The following CACNG2 variants were observed in gnomAD, a reference collection of about 807,000 sequenced individuals.
CACNG2 encodes the protein calcium voltage-gated channel auxiliary subunit gamma 2, also known as voltage-dependent calcium channel gamma-2 subunit.
CACNG2 carries 3 observed loss-of-function variants against 25.9 expected under a neutral mutation model. The ratio of observed to expected loss-of-function variants is 0.12; its 90% CI spans 0.05 to 0.30. The LOEUF is 0.30. Among genes scored for constraint, CACNG2 ranks in the 10% least tolerant of loss-of-function variants. CACNG2 has a pLI of 1.00. For synonymous variants in CACNG2, 167 were observed against 173.3 expected (o/e 0.96, Z 0.29); for missense variants, 341 against 432.5 (o/e 0.79, Z 1.88).
chr22:36,641,753 A>T (rs913473697), intron 1 of CACNG2, among the ~76,000 whole-genome samples: 3 of 152,208 alleles, frequency 2.0e-5, no homozygotes, highest in African/African-American at 7.2e-5. Context: ...CTATTGAATG[A>T]CTTCAGGACT....
intron 1 of CACNG2, among the ~76,000 whole-genome samples, chr22:36,693,395 T>A (rs1442392566): frequency 6.6e-6 from 1 of 152,182 alleles, no homozygotes; most frequent in Admixed American, 6.5e-5. Flanking sequence ...CTGTTTACTA[T>A]GACTAACTTA....
At chr22:36,644,699 A>C (rs1408376142) in intron 1 of CACNG2, among the ~76,000 whole-genome samples, 1 of 152,256 alleles carries the variant, frequency 6.6e-6, no homozygotes, top group Non-Finnish European at 1.5e-5. Flanking sequence ...AATAATAATA[A>C]TAAAAAATAA....
At chr22:36,640,297 G>A (rs1490989032) in intron 1 of CACNG2, among the ~76,000 whole-genome samples, 2 of 152,204 alleles carry the variant, frequency 1.3e-5, no homozygotes, top group African/African-American at 2.4e-5. Flanking sequence ...AAGTGTTGAC[G>A]ATTGTTATAT....
At chr22:36,632,467 CT>C (rs1165039003) in intron 1 of CACNG2, among the ~76,000 whole-genome samples, 12 of 82,784 alleles carry the variant, frequency 1.4e-4, no homozygotes, top group African/African-American at 6.1e-4. Context: ...TCTCTCTCCT[CT>C]CCTCTCTCTC....
rs534940682 is a variant in CACNG2, at chr22:36,569,696, T to C, written c.296-3203A>G. Among the ~76,000 whole-genome samples the C allele has an allele frequency of 6.7e-3, 1,025 of 152,282 alleles. 5 individuals carry two copies. Among genetic ancestry groups the C allele is most frequent in the Non-Finnish European group, 0.011 (775 of 68,012 alleles). On this transcript the variant is annotated intron_variant, in intron 2 of 3. Coordinates refer to ENST00000300105, the MANE Select transcript of CACNG2 (RefSeq NM_006078.5). ...CTGGGATTATAGGCGCCCGCCACCATGTCCGGCTAATTTTTGTATTTTTAG... is the reference window on the plus strand; with the variant it reads ...CTGGGATTATAGGCGCCCGCCACCACGTCCGGCTAATTTTTGTATTTTTAG...
intron 1 of CACNG2, among the ~76,000 whole-genome samples, chr22:36,692,666 C>T (rs1329272414): frequency 6.6e-6 from 1 of 152,144 alleles, no homozygotes; most frequent in East Asian, 1.9e-4. Context: ...AGAGGCCAGG[C>T]CCCATCTCTT....
intron 1 of CACNG2, among the ~76,000 whole-genome samples, chr22:36,604,026 A>G (rs191434225): frequency 6.6e-5 from 10 of 152,358 alleles, no homozygotes; most frequent in Non-Finnish European, 1.3e-4. Flanking sequence ...AAAATCTTCT[A>G]GAAAGGACTC....
chr22:36,677,506 AGCTTATC>A (rs1210161600), intron 1 of CACNG2, among the ~76,000 whole-genome samples: 1 of 152,188 alleles, frequency 6.6e-6, no homozygotes, highest in Non-Finnish European at 1.5e-5. Context: ...GCCTATTACA[AGCTTATC>A]TCATTAATCA....
chr22:36,689,800 C>T (rs1203909311), intron 1 of CACNG2, among the ~76,000 whole-genome samples: 1 of 152,254 alleles, frequency 6.6e-6, no homozygotes, highest in Non-Finnish European at 1.5e-5. Flanking sequence ...GGCTGGCCAC[C>T]ACAACAGGGC....
chr22:36,588,969 G>A (rs1202066381), intron 1 of CACNG2, among the ~76,000 whole-genome samples: 2 of 149,600 alleles, frequency 1.3e-5, no homozygotes, highest in Admixed American at 6.9e-5. Context: ...GGAATTTTAC[G>A]GTATTATTAC....
At position 36,702,835 on chromosome 22, in the gene CACNG2, G is replaced by GCT; in HGVS notation, c.-260_-259insAG. 1 of 229,708 alleles carries GCT rather than the reference G, an allele frequency of 4.4e-6. No individual in the cohort carries two copies. The highest frequency in any genetic ancestry group is 8.1e-6 in the Non-Finnish European group (1 of 123,512). 14.2% of individuals were successfully genotyped at this position (229,708 alleles called of 1,614,324 possible). ...GATCAGAAACTGTTCCAGTTGCAGT[G>GCT]TTTTTTTTTTAAAAAGAAAAGGAAA... On this transcript the variant is annotated 5_prime_UTR_variant, in exon 1 of 4. Coordinates refer to ENST00000300105, the MANE Select transcript of CACNG2 (RefSeq NM_006078.5).
chr22:36,634,001 T>C (rs142745824), intron 1 of CACNG2, among the ~76,000 whole-genome samples: 3 of 152,328 alleles, frequency 2.0e-5, no homozygotes, highest in South Asian at 2.1e-4. Flanking sequence ...CCAGTGATGG[T>C]TGCCAATCAG....
At chr22:36,616,646 A>T (rs1005448129) in intron 1 of CACNG2, among the ~76,000 whole-genome samples, 5 of 151,686 alleles carry the variant, frequency 3.3e-5, no homozygotes, top group South Asian at 4.2e-4. Context: ...AGGGGTTGAG[A>T]TGCATTTCGT....
chr22:36,606,025 G>A lies in CACNG2; in HGVS notation c.212-18477C>T, dbSNP rs1362928075. Among the ~76,000 whole-genome samples, 1 of 152,150 alleles carries A rather than the reference G, an allele frequency of 6.6e-6. No homozygotes were observed. Among genetic ancestry groups the A allele is most frequent in the Non-Finnish European group, 1.5e-5 (1 of 68,038 alleles). ...GGCTGTGCCTCTCGCAGGAGAGCGTGGGTCTGAGTTCTCTTTCTGCCGTGT... is the reference window on the plus strand; with the variant it reads ...GGCTGTGCCTCTCGCAGGAGAGCGTAGGTCTGAGTTCTCTTTCTGCCGTGT... On this transcript the variant is annotated intron_variant, in intron 1 of 3. Coordinates refer to ENST00000300105, the MANE Select transcript of CACNG2 (RefSeq NM_006078.5). This position sits in a 1 kb window ranked among gnomAD's most constrained non-coding sequence, Gnocchi z 5.7.
chr22:36,577,650 GAAAAAA>G (rs544986089), intron 2 of CACNG2, among the ~76,000 whole-genome samples: 5 of 114,460 alleles, frequency 4.4e-5, no homozygotes, highest in African/African-American at 1.3e-4. Flanking sequence ...CTCCGTCTTG[GAAAAAA>G]AAAAAAAAAA....
Position 36,606,878 on chromosome 22 carries a change from T to C in CACNG2, c.212-19330A>G, listed in dbSNP as rs745421876. On this transcript the variant is annotated intron_variant, in intron 1 of 3. Transcript: ENST00000300105. This position sits in a 1 kb window ranked among gnomAD's most constrained non-coding sequence, Gnocchi z 5.7. The stretch of plus-strand genomic sequence containing the variant: ...ATGTGTACGTGTGTATGTCTGTGTG[T>C]GAGTCTGTGTGTGTGTCTGTGGTGT... Among the ~76,000 whole-genome samples the C allele has an allele frequency of 1.3e-5, 2 of 151,550 alleles. No homozygotes were observed. The highest frequency in any genetic ancestry group is 2.4e-5 in the African/African-American group (1 of 41,234).
intron 1 of CACNG2, among the ~76,000 whole-genome samples, chr22:36,647,947 C>T (rs191427398): frequency 4.7e-4 from 71 of 152,364 alleles, no homozygotes; most frequent in Non-Finnish European, 2.6e-4. Context: ...ATTGCTTTCT[C>T]TCTACTCTTT....
chr22:36,687,612 C>T (rs1178157361), intron 1 of CACNG2, among the ~76,000 whole-genome samples: 1 of 152,240 alleles, frequency 6.6e-6, no homozygotes, highest in Non-Finnish European at 1.5e-5. Context: ...ATCCCAATTC[C>T]TGTAACCCGT....
At chr22:36,631,295 C>T (rs1936266299) in intron 1 of CACNG2, among the ~76,000 whole-genome samples, 1 of 152,092 alleles carries the variant, frequency 6.6e-6, no homozygotes, top group Admixed American at 6.5e-5. Flanking sequence ...AAGGCGAGTT[C>T]AGTTATGGAC....
Sources: gnomAD v4.1 joint callset for allele counts (sites outside exome capture counted in the v4.1 genomes callset) on GRCh38, gnomAD v4.1.1 for gene constraint, Gnocchi (gnomAD v3.1) non-coding constraint, MANE v1.5 for transcripts, NCBI Gene and HGNC (gene_info 2026-07-23, HGNC 2026-07-21) for gene names.